Variants in DENND5A observed in about 807,000 individuals in gnomAD.
DENND5A encodes the protein DENN domain-containing protein 5A.
A neutral mutation model predicts 140.3 loss-of-function variants in DENND5A; 64 were observed. That is an observed-to-expected ratio of 0.46 (90% CI 0.37 to 0.56). The LOEUF (loss-of-function observed/expected upper bound fraction) is 0.56, where lower values mean the gene tolerates loss of function less well. Among genes scored for constraint, DENND5A ranks in the 20% least tolerant of loss-of-function variants. The pLI is 0.00. For synonymous variants in DENND5A, 605 were observed against 607.7 expected (o/e 1.00, Z 0.07); for missense variants, 1,292 against 1,593.8 (o/e 0.81, Z 3.22).
chr11:9,232,242 T>C (rs1192780587), intron 1 of DENND5A, among the ~76,000 whole-genome samples: 1 of 152,024 alleles, frequency 6.6e-6, no homozygotes, highest in Non-Finnish European at 1.5e-5. Context: ...AAATTGTACA[T>C]TACAATTTAA....
chr11:9,150,677 G>T lies in DENND5A; in HGVS notation c.2606+3C>A. On this transcript the variant is annotated splice_donor_region_variant and intron_variant, in intron 14 of 22. Coordinates refer to ENST00000328194, the MANE Select transcript of DENND5A (RefSeq NM_015213.4). ...GGCTTATTACATGTGAGCCCATACTGACCTCATATCCTGAATCAGGGAGAT... is the reference window on the plus strand; with the variant it reads ...GGCTTATTACATGTGAGCCCATACTTACCTCATATCCTGAATCAGGGAGAT... The T allele has an allele frequency of 1.2e-6, 2 of 1,608,890 alleles. No homozygotes were observed. Among genetic ancestry groups the T allele is most frequent in the South Asian group, 2.2e-5 (2 of 90,740 alleles).
rs573127181 is a variant in DENND5A, at chr11:9,160,665, A to T, written c.2436+48T>A. 12 of 1,559,702 alleles carry T rather than the reference A, an allele frequency of 7.7e-6. No homozygotes were observed. In the South Asian group the frequency reaches 1.1e-4, roughly 14 times the overall value. ...AGAGTGTGGGAAAGCTAGTAACTGA[A>T]AACAGGAAGACAATTTGCTCAGCAA... On this transcript the variant is annotated intron_variant, in intron 12 of 22. Coordinates refer to ENST00000328194, the MANE Select transcript of DENND5A (RefSeq NM_015213.4).
Position 9,141,282 on chromosome 11 carries a change from C to T in DENND5A, c.3680+658G>A, listed in dbSNP as rs114249062. 2.9e-3 allele frequency among the ~76,000 whole-genome samples: 440 copies of T among 152,270 alleles called. 3 individuals are homozygous for T. The highest frequency in any genetic ancestry group is 0.01 in the African/African-American group (425 of 41,530). On this transcript the variant is annotated intron_variant, in intron 22 of 22. Coordinates refer to ENST00000328194, the MANE Select transcript of DENND5A (RefSeq NM_015213.4). ...CCCCAGTGGTGTGATTTTGATCTTT[C>T]CTTTCAAAATGGGGCCCCTCTGCCC...
At chr11:9,226,128 C>T (rs1850519922) in intron 1 of DENND5A, among the ~76,000 whole-genome samples, 2 of 152,178 alleles carry the variant, frequency 1.3e-5, no homozygotes, top group Non-Finnish European at 2.9e-5. Flanking sequence ...CCATTATCAT[C>T]AATCAGGTCT....
intron 1 of DENND5A, among the ~76,000 whole-genome samples, chr11:9,213,721 C>T (rs542578342): frequency 6.8e-6 from 1 of 146,304 alleles, no homozygotes; most frequent in East Asian, 2.0e-4. Context: ...ATGGCACGAT[C>T]GCTTGAACCC....
chr11:9,202,416 A>T (rs185500959), intron 4 of DENND5A, among the ~76,000 whole-genome samples: 2 of 152,322 alleles, frequency 1.3e-5, no homozygotes, highest in Admixed American at 6.5e-5. Context: ...GAGTCACAAT[A>T]ACTCTCAATG....
intron 1 of DENND5A, among the ~76,000 whole-genome samples, chr11:9,239,629 G>A (rs1400406303): frequency 4.6e-5 from 7 of 151,892 alleles, no homozygotes; most frequent in Non-Finnish European, 7.4e-5. Flanking sequence ...ACTACACTCA[G>A]CTTTTCATTT....
In DENND5A at chr11:9,143,577, C is replaced by G. The variant is rs367968375; in HGVS notation, c.3305-92G>C. Reference sequence around the variant, plus strand: ...GGAGACTGAGGACACGGGGAGGGCCCATAGGAGAGGCAGGGCAGCTGGACC... The same window carrying G: ...GGAGACTGAGGACACGGGGAGGGCCGATAGGAGAGGCAGGGCAGCTGGACC... On this transcript the variant is annotated intron_variant, in intron 19 of 22. Transcript: ENST00000328194. The G allele has an allele frequency of 9.2e-4, 972 of 1,060,768 alleles. 8 individuals carry two copies. The South Asian group carries it at 0.011, about 12-fold the overall frequency. The allele number at this position is 1,060,768 out of a possible 1,614,324, so 65.7% of individuals were successfully genotyped here.
At chr11:9,144,543 C>A (rs889230463) in intron 18 of DENND5A, among the ~76,000 whole-genome samples, 3 of 152,114 alleles carry the variant, frequency 2.0e-5, no homozygotes, top group Admixed American at 2.0e-4. Context: ...GTAATCCCAG[C>A]ACTTTGGGAG....
chr11:9,227,670 A>G (rs745511550), intron 1 of DENND5A, among the ~76,000 whole-genome samples: 4 of 152,094 alleles, frequency 2.6e-5, no homozygotes, highest in South Asian at 2.1e-4. Flanking sequence ...TGAAAAATGC[A>G]TATTTGGGCC....
intron 12 of DENND5A, among the ~76,000 whole-genome samples, chr11:9,156,619 T>A (rs1435116403): frequency 6.9e-6 from 1 of 144,372 alleles, no homozygotes; most frequent in Non-Finnish European, 1.5e-5. Context: ...AGAGCGAGAC[T>A]CCGTCTCAAA....
At chr11:9,202,144 C>CTA (rs1334382373) in intron 4 of DENND5A, among the ~76,000 whole-genome samples, 4 of 152,082 alleles carry the variant, frequency 2.6e-5, no homozygotes, top group African/African-American at 9.7e-5. Flanking sequence ...AAGGGACAGT[C>CTA]TATAAAATAA....
chr11:9,224,297 T>C (rs999876465), intron 1 of DENND5A, among the ~76,000 whole-genome samples: 1 of 152,164 alleles, frequency 6.6e-6, no homozygotes, highest in Non-Finnish European at 1.5e-5. Flanking sequence ...GGGTCTAGCA[T>C]GATTCAACAT....
chr11:9,205,790 G>A (rs1425581211), intron 3 of DENND5A, among the ~76,000 whole-genome samples: 2 of 152,164 alleles, frequency 1.3e-5, no homozygotes, highest in Non-Finnish European at 2.9e-5. Flanking sequence ...CCAGCTACTC[G>A]GGTGGCTGAG....
intron 1 of DENND5A, among the ~76,000 whole-genome samples, chr11:9,233,786 AC>A (rs1415894878): frequency 2.0e-5 from 3 of 152,090 alleles, no homozygotes; most frequent in African/African-American, 7.2e-5. Context: ...CCCTGCTGAC[AC>A]CCTGATTTTG....
Position 9,265,030 on chromosome 11 carries a change from G to C in DENND5A, c.40C>G (p.Arg14Gly), listed in dbSNP as rs1189911645. 5 of 1,568,860 alleles carry C rather than the reference G, an allele frequency of 3.2e-6. No individual in the cohort carries two copies. The Admixed American group carries it at 7.2e-5, about 23-fold the overall frequency. The change falls in exon 1 of 23, where the codon CGC becomes GGC. Residue 14 changes from arginine (R) to glycine (G), a missense_variant. Physicochemically the swap from Arg to Gly is moderately radical, Grantham distance 125. Transcript: ENST00000328194. This position sits in a 1 kb window ranked among gnomAD's most constrained non-coding sequence, Gnocchi z 4.7. ...GGGGGGSAPS[R>G]FADYFVICGL... ...CAGATGACAAAGTAGTCGGCGAAGC[G>C]ACTGGGCGCCGAGCCCCCTCCGCCG...
Position 9,265,088 on chromosome 11 carries a change from G to T in DENND5A, c.-19C>A, listed in dbSNP as rs1336185179. 6.7e-7 allele frequency: 1 copy of T among 1,487,326 alleles called. No homozygotes were observed. The highest frequency in any genetic ancestry group is 2.8e-5 in the East Asian group (1 of 35,388). The allele number at this position is 1,487,326 out of a possible 1,614,324, so 92.1% of individuals were successfully genotyped here. A position where few individuals can be genotyped will look rare whatever the true frequency, so the allele number is the denominator to read the frequency against. On this transcript the variant is annotated 5_prime_UTR_variant, in exon 1 of 23. Coordinates refer to ENST00000328194, the MANE Select transcript of DENND5A (RefSeq NM_015213.4). The surrounding 1 kb of genome is among the most constrained non-coding windows in gnomAD (Gnocchi z 4.7). Reference sequence around the variant, plus strand: ...CACTCATGGCGCCGGGGCCGAGACCGGCCGGGCAGTGCGGAGCGGCACCGA... The same window carrying T: ...CACTCATGGCGCCGGGGCCGAGACCTGCCGGGCAGTGCGGAGCGGCACCGA...
intron 12 of DENND5A, among the ~76,000 whole-genome samples, chr11:9,157,642 G>A (rs1022805354): frequency 6.6e-6 from 1 of 152,144 alleles, no homozygotes; most frequent in Non-Finnish European, 1.5e-5. Context: ...CTGCATCCAT[G>A]TTGCTACAAA....
At chr11:9,140,429 T>G (rs745479070) in intron 22 of DENND5A, among the ~76,000 whole-genome samples, 1 of 152,226 alleles carries the variant, frequency 6.6e-6, no homozygotes, top group Non-Finnish European at 1.5e-5. Context: ...TCTCCCTTTA[T>G]GCAGCCTGAA....
Sources: allele counts gnomAD v4.1 joint callset (sites outside exome capture counted in the v4.1 genomes callset), GRCh38; gene constraint gnomAD v4.1.1; non-coding constraint Gnocchi (gnomAD v3.1); transcripts MANE v1.5; gene names NCBI Gene and HGNC (gene_info 2026-07-23, HGNC 2026-07-21).